The following TRPS1 variants were observed in gnomAD, a reference collection of about 807,000 sequenced individuals.
The protein encoded by TRPS1 is transcriptional repressor GATA binding 1.
A neutral mutation model predicts 101.2 loss-of-function variants in TRPS1; 6 were observed. The ratio of observed to expected loss-of-function variants is 0.06; its 90% CI spans 0.03 to 0.12. The LOEUF (loss-of-function observed/expected upper bound fraction) is 0.12, where lower values mean the gene tolerates loss of function less well. Among genes scored for constraint, TRPS1 ranks in the 10% least tolerant of loss-of-function variants. The pLI, the probability that TRPS1 is intolerant of heterozygous loss-of-function variation, is 1.00. For missense variants in TRPS1, 1,363 were observed against 1,567.0 expected (o/e 0.87, Z 2.20); for synonymous variants, 578 against 589.8 (o/e 0.98, Z 0.29).
At chr8:115,487,140 T>C (rs1012232258) in intron 5 of TRPS1, among the ~76,000 whole-genome samples, 3 of 152,184 alleles carry the variant, frequency 2.0e-5, no homozygotes, top group African/African-American at 7.2e-5. Flanking sequence ...TTAAGATTTA[T>C]GCTAAATGTA....
At chr8:115,477,318 T>C (rs1814631561) in intron 5 of TRPS1, among the ~76,000 whole-genome samples, 1 of 152,170 alleles carries the variant, frequency 6.6e-6, no homozygotes, top group African/African-American at 2.4e-5. Flanking sequence ...CAATTATAGG[T>C]GTGCCAGTAG....
intron 1 of TRPS1, chr8:115,668,256 G>T: frequency 4.5e-6 from 1 of 221,850 alleles, no homozygotes; most frequent in Non-Finnish European, 8.7e-6. Flanking sequence ...AAGAAAGAAA[G>T]AAATCACACG....
chr8:115,560,671 G>T (rs1319368691), intron 5 of TRPS1, among the ~76,000 whole-genome samples: 1 of 151,954 alleles, frequency 6.6e-6, no homozygotes, highest in African/African-American at 2.4e-5. Context: ...TAAAATGCAG[G>T]GTCCTTTCAG....
At chr8:115,554,656 T>G (rs1816776597) in intron 5 of TRPS1, among the ~76,000 whole-genome samples, 1 of 152,144 alleles carries the variant, frequency 6.6e-6, no homozygotes, top group East Asian at 1.9e-4. Flanking sequence ...TTCAACAGCA[T>G]ATCCCTCAAA....
intron 5 of TRPS1, among the ~76,000 whole-genome samples, chr8:115,492,476 T>TGTGCGTGC (rs1252414763): frequency 7.5e-6 from 1 of 132,504 alleles, no homozygotes; most frequent in Non-Finnish European, 1.8e-5. Flanking sequence ...TGTGTGTGTG[T>TGTGCGTGC]GTGTGCGTGC....
intron 5 of TRPS1, among the ~76,000 whole-genome samples, chr8:115,487,068 T>C (rs1286659331): frequency 2.0e-5 from 3 of 152,192 alleles, no homozygotes; most frequent in Non-Finnish European, 4.4e-5. Flanking sequence ...TAAGGGCTAA[T>C]ACAGCTGCTG....
intron 1 of TRPS1, among the ~76,000 whole-genome samples, chr8:115,665,542 A>G (rs1811902095): frequency 6.6e-6 from 1 of 152,228 alleles, no homozygotes; most frequent in African/African-American, 2.4e-5. Flanking sequence ...CAGGAGTGGT[A>G]GGTGACTTAA....
intron 5 of TRPS1, among the ~76,000 whole-genome samples, chr8:115,535,499 A>G (rs1449776636): frequency 6.8e-6 from 1 of 147,374 alleles, no homozygotes; most frequent in Non-Finnish European, 1.5e-5. Flanking sequence ...TATATATAGC[A>G]TATATATAGC....
chr8:115,445,860 G>A (rs1431412821), intron 5 of TRPS1, among the ~76,000 whole-genome samples: 1 of 152,066 alleles, frequency 6.6e-6, no homozygotes, highest in African/African-American at 2.4e-5. Context: ...CAATGCATAA[G>A]GGTTTTAACA....
chr8:115,629,732 A>G (rs1365597227), intron 1 of TRPS1, among the ~76,000 whole-genome samples: 1 of 151,868 alleles, frequency 6.6e-6, no homozygotes, highest in African/African-American at 2.4e-5. Flanking sequence ...CAGTTCATAT[A>G]GTTACAATCA....
intron 5 of TRPS1, among the ~76,000 whole-genome samples, chr8:115,547,065 T>C (rs1322061574): frequency 6.6e-6 from 1 of 152,204 alleles, no homozygotes; most frequent in Non-Finnish European, 1.5e-5. Flanking sequence ...AGCATCCAAA[T>C]TACGGGATGT....
chr8:115,479,996 G>A (rs1472880233), intron 5 of TRPS1, among the ~76,000 whole-genome samples: 2 of 152,104 alleles, frequency 1.3e-5, no homozygotes, highest in African/African-American at 4.8e-5. Flanking sequence ...TTAGAGGTGG[G>A]AGAATACAGC....
intron 5 of TRPS1, among the ~76,000 whole-genome samples, chr8:115,451,046 C>T (rs899011293): frequency 2.6e-5 from 4 of 152,166 alleles, no homozygotes; most frequent in African/African-American, 7.2e-5. Flanking sequence ...AAATTCTTCC[C>T]CTTGCCTATT....
At chr8:115,553,524 T>C (rs1816749540) in intron 5 of TRPS1, among the ~76,000 whole-genome samples, 2 of 152,164 alleles carry the variant, frequency 1.3e-5, no homozygotes, top group Admixed American at 1.3e-4. Context: ...AAACCATTAT[T>C]GCTGCTTATC....
intron 1 of TRPS1, among the ~76,000 whole-genome samples, 157 bp from the exon 2 acceptor site, chr8:115,623,915 G>A (rs1379277821): frequency 2.6e-5 from 4 of 151,914 alleles, no homozygotes; most frequent in Non-Finnish European, 5.9e-5. Context: ...CCCTCCCCAG[G>A]GTTTTAATAA....
At chr8:115,463,656 C>T (rs912872353) in intron 5 of TRPS1, among the ~76,000 whole-genome samples, 2 of 152,040 alleles carry the variant, frequency 1.3e-5, no homozygotes, top group African/African-American at 4.8e-5. Flanking sequence ...CAGGTTATTT[C>T]AAGTATTTCA....
intron 5 of TRPS1, among the ~76,000 whole-genome samples, chr8:115,496,064 A>G (rs1815141746): frequency 6.6e-6 from 1 of 152,142 alleles, no homozygotes; most frequent in African/African-American, 2.4e-5. Flanking sequence ...CAAAAAATAA[A>G]CGTGTAGCTA....
rs143230088 is a variant in TRPS1 at position 115,430,626 on chromosome 8, G to A, written c.2701-12174C>T. 4.5e-3 allele frequency among the ~76,000 whole-genome samples: 687 copies of A among 152,210 alleles called. 11 individuals carry two copies. The highest frequency in any genetic ancestry group is 0.027 in the Admixed American group (407 of 15,266). ...GGCCATGTTTAGGCCCAGGAGAGGAGAGGAAAGGAACAGTCCCTGCTTGTC... is the reference window on the plus strand; with the variant it reads ...GGCCATGTTTAGGCCCAGGAGAGGAAAGGAAAGGAACAGTCCCTGCTTGTC... On this transcript the variant is annotated intron_variant, in intron 5 of 6. Coordinates refer to ENST00000395715, the MANE Select transcript of TRPS1 (RefSeq NM_014112.5).
At chr8:115,545,943 T>C (rs1351152731) in intron 5 of TRPS1, among the ~76,000 whole-genome samples, 1 of 152,068 alleles carries the variant, frequency 6.6e-6, no homozygotes, top group Non-Finnish European at 1.5e-5. Flanking sequence ...CAGAGTACAA[T>C]AAAACTTGCA....
Sources: allele counts gnomAD v4.1 joint callset (sites outside exome capture counted in the v4.1 genomes callset), GRCh38; gene constraint gnomAD v4.1.1; transcripts MANE v1.5; gene names NCBI Gene and HGNC (gene_info 2026-07-23, HGNC 2026-07-21).